Variants in ANKFN1 observed in about 807,000 individuals in gnomAD.
ANKFN1 encodes the protein ankyrin repeat and fibronectin type III domain containing 1.
ANKFN1 carries 74 observed loss-of-function variants against 108.7 expected under a neutral mutation model. The observed-to-expected ratio is 0.68, with a 90% CI of 0.56 to 0.83. The LOEUF (loss-of-function observed/expected upper bound fraction) is 0.83, where lower values mean the gene tolerates loss of function less well. Ranked by LOEUF, ANKFN1 falls within the 40% of genes least tolerant of loss-of-function variation. The pLI is 0.00. For synonymous variants in ANKFN1, 547 were observed against 516.2 expected (o/e 1.06, Z -0.81); for missense variants, 1,505 against 1,382.3 (o/e 1.09, Z -1.41).
rs376903901 is a variant in ANKFN1, at chr17:56,161,236, C to T, written c.-71+7706C>T. ...ATAGTATAAATACAGCAAATTCTAT[C>T]GTGGTAGTATCATTAGGGTTAACAG... On this transcript the variant is annotated intron_variant, in intron 1 of 20. Coordinates refer to ENST00000682825, the MANE Select transcript of ANKFN1 (RefSeq NM_001370326.1). 3.9e-5 allele frequency among the ~76,000 whole-genome samples: 6 copies of T among 152,236 alleles called. No individual in the cohort carries two copies. The East Asian group carries it at 5.8e-4, about 15-fold the overall frequency.
chr17:56,341,501 G>A (rs9902526), intron 4 of ANKFN1, among the ~76,000 whole-genome samples: 4,887 of 152,168 alleles, frequency 0.032, 102 homozygotes, highest in Non-Finnish European at 0.045. Flanking sequence ...TTTATTGAGA[G>A]TTGTTAACAT....
intron 4 of ANKFN1, among the ~76,000 whole-genome samples, chr17:56,340,421 G>T (rs1355172101): frequency 6.6e-6 from 1 of 151,652 alleles, no homozygotes; most frequent in South Asian, 2.1e-4. Flanking sequence ...GTCTTCCAGG[G>T]TTTTTTTTAT....
At chr17:56,313,736 A>G (rs1013412261) in intron 3 of ANKFN1, among the ~76,000 whole-genome samples, 5 of 152,178 alleles carry the variant, frequency 3.3e-5, no homozygotes, top group Non-Finnish European at 7.4e-5. Context: ...TGATCTTCCA[A>G]TTTCTCTGTA....
intron 3 of ANKFN1, among the ~76,000 whole-genome samples, chr17:56,296,863 C>A (rs1197645822): frequency 3.3e-5 from 5 of 152,196 alleles, no homozygotes; most frequent in Non-Finnish European, 4.4e-5. Context: ...ACTCCCAGGG[C>A]TCATATGAGG....
intron 4 of ANKFN1, among the ~76,000 whole-genome samples, chr17:56,120,298 T>C (rs1906535709): frequency 6.6e-6 from 1 of 152,160 alleles, no homozygotes; most frequent in Non-Finnish European, 1.5e-5. Flanking sequence ...TCTGCCCTTC[T>C]ACAAGCCACG....
upstream of ANKFN1, among the ~76,000 whole-genome samples, chr17:56,152,416 T>C (rs139571134): frequency 1.8e-3 from 276 of 152,188 alleles, 1 homozygote; most frequent in African/African-American, 6.6e-3. Flanking sequence ...ACTTGTCTTT[T>C]TTTTTCCTAT....
At chr17:56,382,726 CAAAG>C (rs1468020353) in intron 8 of ANKFN1, among the ~76,000 whole-genome samples, 1 of 152,104 alleles carries the variant, frequency 6.6e-6, no homozygotes, top group African/African-American at 2.4e-5. Context: ...TCAAAAGAGA[CAAAG>C]AAGGCCATTA....
rs2143471584 is a variant in ANKFN1 at position 56,156,389 on chromosome 17, G to C, written c.-71+2859G>C. 2.0e-5 allele frequency among the ~76,000 whole-genome samples: 3 copies of C among 152,222 alleles called. 1 individual carries two copies. The Middle Eastern group carries it at 0.01, about 518-fold the overall frequency. On this transcript the variant is annotated intron_variant, in intron 1 of 20. Transcript: ENST00000682825. ...AGGTGTGAGCCACCACGCCCAGCCT[G>C]TTTCCTCACCTCTTAAAGAGGGACC...
intron 8 of ANKFN1, among the ~76,000 whole-genome samples, chr17:56,427,239 G>A (rs1278883742): frequency 1.3e-5 from 2 of 152,118 alleles, no homozygotes; most frequent in Admixed American, 1.3e-4. Context: ...GTAGTCAGAA[G>A]AGAGAGAAAC....
At chr17:56,453,728 A>G (rs1011478427) in intron 11 of ANKFN1, among the ~76,000 whole-genome samples, 30 of 152,226 alleles carry the variant, frequency 2.0e-4, no homozygotes, top group African/African-American at 6.5e-4. Flanking sequence ...GTATATCTAA[A>G]GGTGTATTTA....
chr17:56,238,641 T>C (rs1917344608), intron 3 of ANKFN1, among the ~76,000 whole-genome samples: 1 of 152,212 alleles, frequency 6.6e-6, no homozygotes, highest in Admixed American at 6.5e-5. Flanking sequence ...TTGGCAGATT[T>C]CCTCCATCCC....
intron 1 of ANKFN1, among the ~76,000 whole-genome samples, chr17:56,174,833 A>C (rs991982087): frequency 3.9e-5 from 6 of 152,218 alleles, no homozygotes; most frequent in Non-Finnish European, 8.8e-5. Flanking sequence ...CAGTGTTTGA[A>C]AGCCAAGCTT....
At chr17:56,161,747 CT>C (rs1909672855) in intron 1 of ANKFN1, among the ~76,000 whole-genome samples, 1 of 151,668 alleles carries the variant, frequency 6.6e-6, no homozygotes. Flanking sequence ...AAAAAATTAA[CT>C]TTTCTCTTAG....
intron 1 of ANKFN1, among the ~76,000 whole-genome samples, chr17:56,203,668 CT>C (rs1160653968): frequency 2.6e-5 from 4 of 152,176 alleles, no homozygotes; most frequent in African/African-American, 9.7e-5. Flanking sequence ...CGTGTTTGCT[CT>C]TTACTCATTG....
intron 8 of ANKFN1, among the ~76,000 whole-genome samples, chr17:56,379,314 G>T (rs2047028552): frequency 1.3e-5 from 2 of 151,816 alleles, no homozygotes; most frequent in Admixed American, 1.3e-4. Context: ...CAGGAGAATG[G>T]CTTGAACCTG....
chr17:56,444,122 T>A (rs2049204384), intron 10 of ANKFN1, among the ~76,000 whole-genome samples: 1 of 152,214 alleles, frequency 6.6e-6, no homozygotes, highest in Admixed American at 6.5e-5. Context: ...AAATATCCAG[T>A]ATTAATTTAG....
At position 56,516,281 on chromosome 17, in the gene ANKFN1, T is replaced by TGTGC. The variant is rs1555568559; in HGVS notation, c.*5013_*5014insTGCG. Among the ~76,000 whole-genome samples, 2 of 151,148 alleles carry TGTGC rather than the reference T, an allele frequency of 1.3e-5. No individual in the cohort carries two copies. Among genetic ancestry groups the TGTGC allele is most frequent in the Admixed American group, 1.3e-4 (2 of 15,226 alleles). On this transcript the variant is annotated 3_prime_UTR_variant, in exon 21 of 21. Transcript: ENST00000682825. ...AAGTGTGTGTGTGTGTGTGTGTGTG[T>TGTGC]GCGTGTGTGGTGGTGTCAGAGAGAT...
At chr17:56,078,818 A>G (rs912745165) in intron 4 of ANKFN1, among the ~76,000 whole-genome samples, 6 of 152,160 alleles carry the variant, frequency 3.9e-5, no homozygotes, top group Admixed American at 3.9e-4. Flanking sequence ...CTGAGTCTCG[A>G]TGTATGTGGA....
intron 6 of ANKFN1, among the ~76,000 whole-genome samples, chr17:56,368,575 C>T (rs557384642): frequency 2.0e-5 from 3 of 151,758 alleles, no homozygotes; most frequent in South Asian, 2.1e-4. Flanking sequence ...CCACCGCGCC[C>T]GGCTGAAAAT....
Sources: gnomAD v4.1 joint callset for allele counts (sites outside exome capture counted in the v4.1 genomes callset) on GRCh38, gnomAD v4.1.1 for gene constraint, MANE v1.5 for transcripts, NCBI Gene and HGNC (gene_info 2026-07-23, HGNC 2026-07-21) for gene names.